SEC14L6: variants seen among roughly 807,000 people sequenced by gnomAD.
The protein encoded by SEC14L6 is SEC14 like lipid binding 6.
In SEC14L6, 40 loss-of-function variants were observed where a neutral mutation model predicts 54.1. The ratio of observed to expected loss-of-function variants is 0.74; its 90% CI spans 0.57 to 0.96. SEC14L6 has a LOEUF of 0.96. SEC14L6 is among the 40% of genes least tolerant of loss of function. The pLI is 0.00. For synonymous variants in SEC14L6, 171 were observed against 198.4 expected (o/e 0.86, Z 1.16); for missense variants, 471 against 498.3 (o/e 0.95, Z 0.52).
At chr22:30,532,323 A>G (rs1297176030) in intron 5 of SEC14L6, 10 of 972,140 alleles carry the variant, frequency 1.0e-5, no homozygotes, top group Non-Finnish European at 1.2e-5. Context: ...TTTGGGGCCA[A>G]TTGGGGGAGA....
chr22:30,541,457 G>C (rs140278215), intron 1 of SEC14L6, among the ~76,000 whole-genome samples: 1 of 152,170 alleles, frequency 6.6e-6, no homozygotes, highest in Non-Finnish European at 1.5e-5. Context: ...CCAGGAGTTC[G>C]AGACTAGTCT....
chr22:30,545,806 T>TTTTTG (rs552112197), intron 1 of SEC14L6, among the ~76,000 whole-genome samples: 94 of 152,070 alleles, frequency 6.2e-4, no homozygotes, highest in Admixed American at 8.5e-4. Context: ...TTTTAGGTTT[T>TTTTTG]TTTTGTTTTG....
intron 1 of SEC14L6, among the ~76,000 whole-genome samples, chr22:30,539,481 G>T (rs532695530): frequency 6.6e-6 from 1 of 152,272 alleles, no homozygotes; most frequent in South Asian, 2.1e-4. Flanking sequence ...GCAGGGAGGG[G>T]CCCTCTTTAG....
At chr22:30,526,256 G>T (rs1936776529) in intron 8 of SEC14L6, among the ~76,000 whole-genome samples, 1 of 152,208 alleles carries the variant, frequency 6.6e-6, no homozygotes, top group South Asian at 2.1e-4. Flanking sequence ...GCAACTCCTG[G>T]AGCCTGGGGT....
intron 1 of SEC14L6, chr22:30,542,501 AC>A: frequency 3.0e-6 from 2 of 669,146 alleles, no homozygotes; most frequent in Non-Finnish European, 4.6e-6. Flanking sequence ...TGGAGCGGGG[AC>A]CCGGCCTCTG....
rs767518624 is a variant in SEC14L6 at position 30,532,879 on chromosome 22, G to C, written c.175-23C>G. 11 of 1,610,248 alleles carry C rather than the reference G, an allele frequency of 6.8e-6. No individual in the cohort carries two copies. The Admixed American group carries it at 1.0e-4, about 15-fold the overall frequency. ...ATGCTGCAGAGACACGGCAGGAGGT[G>C]GTGAAGATTCTGCCTGTCCCAAAGA... is the stretch of plus-strand genomic sequence containing the variant. On this transcript the variant is annotated intron_variant, in intron 3 of 11. Coordinates refer to ENST00000402034, the MANE Select transcript of SEC14L6 (RefSeq NM_001193336.4).
chr22:30,532,869 G>A lies in SEC14L6; in HGVS notation c.175-13C>T, dbSNP rs775800595. 2.2e-5 allele frequency: 35 copies of A among 1,611,892 alleles called. No individual in the cohort carries two copies. The highest frequency in any genetic ancestry group is 6.7e-5 in the Admixed American group (4 of 59,468). ...GGAACTCCATATGCTGCAGAGACAC[G>A]GCAGGAGGTGGTGAAGATTCTGCCT... On this transcript the variant is annotated splice_polypyrimidine_tract_variant and intron_variant, in intron 3 of 11. Coordinates refer to ENST00000402034, the MANE Select transcript of SEC14L6 (RefSeq NM_001193336.4).
At chr22:30,535,062 T>C (rs1010521278) in intron 2 of SEC14L6, among the ~76,000 whole-genome samples, 1 of 152,024 alleles carries the variant, frequency 6.6e-6, no homozygotes, top group Admixed American at 6.5e-5. Context: ...AGAAAAATTA[T>C]ATATAAGTTT....
intron 1 of SEC14L6, among the ~76,000 whole-genome samples, chr22:30,545,808 TTTG>T (rs1369075186): frequency 1.3e-5 from 2 of 150,912 alleles, no homozygotes; most frequent in African/African-American, 4.9e-5. Context: ...TTAGGTTTTT[TTTG>T]TTTTGTTTTG....
intron 2 of SEC14L6, among the ~76,000 whole-genome samples, chr22:30,537,955 C>T (rs533139327): frequency 2.0e-5 from 3 of 152,176 alleles, no homozygotes; most frequent in Non-Finnish European, 4.4e-5. Context: ...TAATTGAAAT[C>T]TTTAAACCAA....
At chr22:30,528,312 G>A (rs943074381) in intron 8 of SEC14L6, among the ~76,000 whole-genome samples, 4 of 151,082 alleles carry the variant, frequency 2.6e-5, no homozygotes, top group Non-Finnish European at 5.9e-5. Flanking sequence ...TAGTAGAGAC[G>A]GGGTTTCACC....
At chr22:30,533,950 G>T (rs1273909576) in intron 3 of SEC14L6, 46 bp downstream of exon 3, 8 of 1,518,070 alleles carry the variant, frequency 5.3e-6, no homozygotes, top group Non-Finnish European at 7.2e-6. Context: ...TCAGACTTGG[G>T]ATAGGAAACA....
At chr22:30,543,606 C>T (rs2085762016) in intron 1 of SEC14L6, 2 of 1,613,586 alleles carry the variant, frequency 1.2e-6, no homozygotes, top group Non-Finnish European at 1.7e-6. Flanking sequence ...AAAGCCATGA[C>T]CTGAAGGTCT....
Position 30,525,431 on chromosome 22 carries a change from T to C in SEC14L6, c.1000A>G (p.Thr334Ala), listed in dbSNP as rs746133913. The change falls in exon 11 of 12, where the codon ACA becomes GCA. Residue 334 changes from threonine (T) to alanine (A), a missense_variant. By Grantham distance (58) the Thr-to-Ala change is moderately conservative. Coordinates refer to ENST00000402034, the MANE Select transcript of SEC14L6 (RefSeq NM_001193336.4). ...MGERQRAREM[T>A]EVLPSQRYNA... is the part of the protein sequence containing the mutation. ...TAGCGCTGGCTGGGCAGCACCTCTG[T>C]CATCTCCCTAGCCCTCTGCCGCTCC... is the stretch of plus-strand genomic sequence containing the variant. 2.5e-6 allele frequency: 4 copies of C among 1,614,174 alleles called. No homozygotes were observed. The South Asian group carries it at 4.4e-5, about 18-fold the overall frequency.
In SEC14L6 at chr22:30,543,861, C is replaced by A. The variant is rs531713766; in HGVS notation, c.54+2768G>T. The stretch of plus-strand genomic sequence containing the variant: ...ACACAAATGATATCACATATGCGGA[C>A]CTGAACCTGCCCAAGGGGAAGAAGC... On this transcript the variant is annotated intron_variant, in intron 1 of 11. Transcript: ENST00000402034. The A allele has an allele frequency of 2.6e-5, 40 of 1,536,130 alleles. No individual in the cohort carries two copies. In the East Asian group the frequency reaches 8.8e-4, roughly 34 times the overall value.
chr22:30,529,375 T>C (rs570556422), intron 6 of SEC14L6, 26 bp from the exon 7 acceptor site: 2 of 1,541,852 alleles, frequency 1.3e-6, no homozygotes, highest in Non-Finnish European at 1.8e-6. Context: ...GCAGAAGTGA[T>C]GGGCGTCTGA....
intron 2 of SEC14L6, 69 bp from the exon 3 acceptor site, chr22:30,534,108 G>A (rs1350873598): frequency 1.1e-5 from 16 of 1,455,246 alleles, no homozygotes; most frequent in African/African-American, 8.5e-5. Context: ...GAGAGACAAC[G>A]GCCCTGCCCC....
intron 8 of SEC14L6, 38 bp from the exon 9 acceptor site, chr22:30,525,970 G>A (rs1056412000): frequency 1.3e-6 from 2 of 1,563,966 alleles, no homozygotes; most frequent in Non-Finnish European, 1.7e-6. Context: ...AAGGGACTCA[G>A]GAGACTCAAC....
At position 30,525,457 on chromosome 22, in the gene SEC14L6, C is replaced by A; in HGVS notation, c.974G>T (p.Gly325Val). The A allele has an allele frequency of 6.2e-7, 1 of 1,614,194 alleles. No individual in the cohort carries two copies. The highest frequency in any genetic ancestry group is 8.5e-7 in the Non-Finnish European group (1 of 1,180,026). ...CATCTCCCTAGCCCTCTGCCGCTCCCCCATCTTGGTCTTCAGGAAAACCCC... is the reference window on the plus strand; with the variant it reads ...CATCTCCCTAGCCCTCTGCCGCTCCACCATCTTGGTCTTCAGGAAAACCCC... ...GFGVFLKTKM[G>V]ERQRAREMTE... Residue 325 changes from glycine (G) to valine (V), a missense_variant, in exon 11 of 12, where the codon GGG (glycine) becomes GTG (valine). Transcript: ENST00000402034.
Sources: gnomAD v4.1 joint callset for allele counts (sites outside exome capture counted in the v4.1 genomes callset) on GRCh38, gnomAD v4.1.1 for gene constraint, MANE v1.5 for transcripts, NCBI Gene and HGNC (gene_info 2026-07-23, HGNC 2026-07-21) for gene names.